Variants in GINS4 observed in about 807,000 individuals in gnomAD.
GINS4 encodes the protein GINS complex subunit 4.
Under a neutral mutation model 31.1 loss-of-function variants are expected in GINS4, and 20 were observed. The observed-to-expected ratio is 0.64, with a 90% confidence interval of 0.45 to 0.93. The LOEUF is 0.93. GINS4 is among the 40% of genes least tolerant of loss of function. The pLI is 0.00. For missense variants in GINS4, 245 were observed against 273.9 expected (o/e 0.89, Z 0.75); for synonymous variants, 85 against 97.9 (o/e 0.87, Z 0.78).
At position 41,543,757 on chromosome 8, in the gene GINS4, T is replaced by G. The variant is rs11992492; in HGVS notation, c.*1670T>G. ...TTCCCTCTTGTTACCCAGGCTGGAG[T>G]GGCAGTGGTGTGAACACGGCTCACT... On this transcript the variant is annotated 3_prime_UTR_variant, in exon 8 of 8. Transcript: ENST00000276533. 7 of 150,914 alleles carry G rather than the reference T, an allele frequency of 4.6e-5. No individual in the cohort carries two copies. The highest frequency in any genetic ancestry group is 1.7e-4 in the African/African-American group (7 of 41,010). 9.3% of individuals were successfully genotyped at this position (150,914 alleles called of 1,614,324 possible).
rs1806856973 is a variant in GINS4, at chr8:41,542,332, C to T, written c.*245C>T. The T allele has an allele frequency of 8.2e-6, 4 of 490,252 alleles. No individual in the cohort carries two copies. The highest frequency in any genetic ancestry group is 7.4e-6 in the Non-Finnish European group (2 of 269,588). 30.4% of individuals were successfully genotyped at this position (490,252 alleles called of 1,614,324 possible). A position where few individuals can be genotyped will look rare whatever the true frequency, so the allele number is the denominator to read the frequency against. ...CTGGGAGCAGGAGGTTGCAGTGAGCCGAGGTCGTGCCATTGCACTCCAGCC... is the reference window on the plus strand; with the variant it reads ...CTGGGAGCAGGAGGTTGCAGTGAGCTGAGGTCGTGCCATTGCACTCCAGCC... On this transcript the variant is annotated 3_prime_UTR_variant, in exon 8 of 8. Transcript: ENST00000276533.
rs201296737 is a variant in GINS4, at chr8:41,538,716, G to GT, written c.298-954dup. On this transcript the variant is annotated intron_variant, in intron 4 of 7. Coordinates refer to ENST00000276533, the MANE Select transcript of GINS4 (RefSeq NM_032336.3). ...TTTATTTGTTTGGTTGTGTTTTTTT[G>GT]TTTTTTTTGACAGAGTCTCACTCTG... 8.3e-3 allele frequency among the ~76,000 whole-genome samples: 1,262 copies of GT among 151,322 alleles called. 19 individuals carry two copies. Among genetic ancestry groups the GT allele is most frequent in the African/African-American group, 0.027 (1,114 of 41,280 alleles).
chr8:41,539,643 A>G, intron 4 of GINS4, 35 bp from the exon 5 acceptor site: 1 of 1,444,170 alleles, frequency 6.9e-7, no homozygotes. Flanking sequence ...GACTTTTGCC[A>G]ATGTTTTCAT....
chr8:41,531,183 G>T (rs1806643663), intron 2 of GINS4, among the ~76,000 whole-genome samples: 3 of 152,152 alleles, frequency 2.0e-5, no homozygotes, highest in Non-Finnish European at 4.4e-5. Flanking sequence ...AAGGCCGGAG[G>T]ATCACCTGAA....
rs569175425 is a variant in GINS4 at position 41,541,700 on chromosome 8, G to A, written c.485-109G>A. On this transcript the variant is annotated intron_variant, in intron 6 of 7. Transcript: ENST00000276533. ...CATCTTTGAAGAGTAGGAATGGGCT[G>A]GGCTCCTATCTAAACCCTGAGTGTG... The A allele has an allele frequency of 1.1e-3, 867 of 773,650 alleles. 9 individuals carry two copies. Among genetic ancestry groups the A allele is most frequent in the South Asian group, 5.4e-3 (321 of 59,578 alleles). 47.9% of individuals were successfully genotyped at this position (773,650 alleles called of 1,614,324 possible).
At chr8:41,539,876 A>G (rs752549914) in intron 5 of GINS4, 40 bp from the exon 6 acceptor site, 3 of 1,585,102 alleles carry the variant, frequency 1.9e-6, no homozygotes, top group East Asian at 2.2e-5. Flanking sequence ...GACGTCCATC[A>G]GCTGTGTACA....
At chr8:41,530,714 GT>G (rs1806636828) in intron 2 of GINS4, among the ~76,000 whole-genome samples, 1 of 151,564 alleles carries the variant, frequency 6.6e-6, no homozygotes, top group Non-Finnish European at 1.5e-5. Context: ...TTTCTCACAT[GT>G]TTTTTCTTGA....
In GINS4 at chr8:41,542,202, G is replaced by A; in HGVS notation, c.*115G>A. On this transcript the variant is annotated 3_prime_UTR_variant, in exon 8 of 8. Transcript: ENST00000276533. ...TTCGAGACCAACCGACCAACATGGT[G>A]AAACCCCATCTTTACTAAAAATACA... 1.3e-6 allele frequency: 1 copy of A among 746,282 alleles called. No homozygotes were observed. The highest frequency in any genetic ancestry group is 2.4e-6 in the Non-Finnish European group (1 of 414,478). The allele number at this position is 746,282 out of a possible 1,614,324, so 46.2% of individuals were successfully genotyped here. A position where few individuals can be genotyped will look rare whatever the true frequency, so the allele number is the denominator to read the frequency against.
chr8:41,537,258 G>A lies in GINS4; in HGVS notation c.262G>A (p.Val88Ile), dbSNP rs150086375. The A allele has an allele frequency of 2.4e-5, 38 of 1,613,666 alleles. No individual in the cohort carries two copies. The African/African-American group carries it at 2.8e-4, about 12-fold the overall frequency. The change falls in exon 4 of 8, where the codon GTC becomes ATC. Residue 88 changes from valine (V) to isoleucine (I), a missense_variant. Val to Ile is a conservative substitution (Grantham distance 29, BLOSUM62 3). Transcript: ENST00000276533. ...HQMEMERIRY[V>I]LSSYLRCRLM... Reference sequence around the variant, plus strand: ...AATGGAGATGGAGAGGATCCGCTACGTCCTCAGCAGCTACTTGCGGTGTCG... The same window carrying A: ...AATGGAGATGGAGAGGATCCGCTACATCCTCAGCAGCTACTTGCGGTGTCG...
chr8:41,542,131 C>A lies in GINS4; in HGVS notation c.*44C>A, dbSNP rs1181562595. 1 of 1,495,278 alleles carries A rather than the reference C, an allele frequency of 6.7e-7. No homozygotes were observed. Among genetic ancestry groups the A allele is most frequent in the Admixed American group, 1.7e-5 (1 of 59,880 alleles). The allele number at this position is 1,495,278 out of a possible 1,614,324, so 92.6% of individuals were successfully genotyped here. ...AGGCATGGTGACTCAAGCCTGTAATCCCAGCACTTTGGGAGGCCGAGGCGG... is the reference window on the plus strand; with the variant it reads ...AGGCATGGTGACTCAAGCCTGTAATACCAGCACTTTGGGAGGCCGAGGCGG... On this transcript the variant is annotated 3_prime_UTR_variant, in exon 8 of 8. Transcript: ENST00000276533.
chr8:41,541,989 AG>A lies in GINS4; in HGVS notation c.577del. The A allele has an allele frequency of 6.2e-7, 1 of 1,613,880 alleles. No homozygotes were observed. Among genetic ancestry groups the A allele is most frequent in the African/African-American group, 1.3e-5 (1 of 75,042 alleles). On this transcript the variant is annotated splice_acceptor_variant, in intron 7 of 7. Transcript: ENST00000276533. LOFTEE classifies it high-confidence loss of function. The stretch of plus-strand genomic sequence containing the variant: ...AGGCAAATGTGTTTCCCTCTTTTTC[AG>A]GGACTACGTGATTGACCTGGAGAAG...
Position 41,530,209 on chromosome 8 carries a change from G to A in GINS4, c.7G>A (p.Glu3Lys), listed in dbSNP as rs746591784. The A allele has an allele frequency of 4.3e-5, 69 of 1,612,534 alleles. No individual in the cohort carries two copies. The highest frequency in any genetic ancestry group is 5.7e-5 in the Non-Finnish European group (67 of 1,178,780). Residue 3 changes from glutamate to lysine, a missense_variant, in exon 2 of 8, where the codon GAA (glutamate) becomes AAA (lysine). Coordinates refer to ENST00000276533, the MANE Select transcript of GINS4 (RefSeq NM_032336.3). ...GTTCCTGGTTTCAGAGAAGATGACC[G>A]AAGAAGTGGATTTCCTGGGACAGGA... MTEEVDFLGQDSD... is the reference protein window; with the variant it reads MTKEVDFLGQDSD...
At chr8:41,534,201 G>T in intron 2 of GINS4, 1 of 360,214 alleles carries the variant, frequency 2.8e-6, no homozygotes, top group South Asian at 2.2e-5. Flanking sequence ...CCAGGATTTC[G>T]AAGACCACTG....
intron 2 of GINS4, among the ~76,000 whole-genome samples, chr8:41,534,929 T>G (rs1806716471): frequency 6.6e-6 from 1 of 152,108 alleles, no homozygotes; most frequent in Admixed American, 6.5e-5. Context: ...TTTCACCATG[T>G]TAGCCAGGAT....
chr8:41,531,283 A>T (rs894780832), intron 2 of GINS4, among the ~76,000 whole-genome samples: 3 of 152,202 alleles, frequency 2.0e-5, no homozygotes, highest in African/African-American at 7.2e-5. Context: ...TCTCAAAAAA[A>T]TAATAAAATA....
At chr8:41,532,875 A>G (rs984903953) in intron 2 of GINS4, among the ~76,000 whole-genome samples, 1 of 151,954 alleles carries the variant, frequency 6.6e-6, no homozygotes, top group Non-Finnish European at 1.5e-5. Context: ...GCACACTTAT[A>G]TACTGCCGTG....
chr8:41,539,863 T>C (rs554016887), intron 5 of GINS4, 53 bp from the exon 6 acceptor site: 4 of 1,592,046 alleles, frequency 2.5e-6, no homozygotes, highest in East Asian at 4.5e-5. Flanking sequence ...CCTGCTAACC[T>C]TGGACGTCCA....
At chr8:41,537,430 G>A (rs564290587) in intron 4 of GINS4, 137 bp downstream of exon 4, 1 of 617,318 alleles carries the variant, frequency 1.6e-6, no homozygotes, top group South Asian at 1.9e-5. Flanking sequence ...TATCCATGTA[G>A]CTAAACTGTA....
chr8:41,534,797 A>G (rs2150458487), intron 2 of GINS4, among the ~76,000 whole-genome samples: 1 of 151,916 alleles, frequency 6.6e-6, no homozygotes, highest in Non-Finnish European at 1.5e-5. Context: ...CAGTGGTGCA[A>G]TCTTGGCTCA....
Sources: allele counts gnomAD v4.1 joint callset (sites outside exome capture counted in the v4.1 genomes callset), GRCh38; gene constraint gnomAD v4.1.1; transcripts MANE v1.5; gene names NCBI Gene and HGNC (gene_info 2026-07-23, HGNC 2026-07-21).